HEATR3: variants seen among roughly 807,000 people sequenced by gnomAD.
The protein encoded by HEATR3 is HEAT repeat containing 3.
In HEATR3, 56 loss-of-function variants were observed where a neutral mutation model predicts 72.8. The observed-to-expected ratio is 0.77, with a 90% CI of 0.62 to 0.96. The LOEUF (loss-of-function observed/expected upper bound fraction) is 0.96. Among genes scored for constraint, HEATR3 ranks in the 40% least tolerant of loss-of-function variants. HEATR3 has a pLI of 0.00. For missense variants in HEATR3, 747 were observed against 831.4 expected, an observed-to-expected ratio of 0.90 and a Z score of 1.25; for synonymous variants, 331 against 318.1, an observed-to-expected ratio of 1.04 and a Z score of -0.43.
chr16:50,099,945 C>G (rs1347732259), intron 12 of HEATR3, among the ~76,000 whole-genome samples: 2 of 152,132 alleles, frequency 1.3e-5, no homozygotes, highest in Admixed American at 1.3e-4. Flanking sequence ...ATTGGACTCT[C>G]TTTAGTGTGT....
In HEATR3 at chr16:50,066,245, G is replaced by T. The variant is rs1180848468; in HGVS notation, c.114G>T (p.Gly38=). 6.4e-7 allele frequency: 1 copy of T among 1,563,848 alleles called. No homozygotes were observed. The highest frequency in any genetic ancestry group is 8.6e-7 in the Non-Finnish European group (1 of 1,157,126). Residue 38 remains glycine (G), a synonymous_variant, in exon 1 of 15, where the codon GGG becomes GGT. Coordinates refer to ENST00000299192, the MANE Select transcript of HEATR3 (RefSeq NM_182922.4). ...GGACCGGAGGCGAGGAGGACGACGG[G>T]CCGGCGGCGGAGCTGCTGGAAAAGG... is the stretch of plus-strand genomic sequence containing the variant. The part of the protein sequence containing the change: ...ANGTGGEEDD[G]PAAELLEKLQ...
chr16:50,079,691 C>G (rs773872622), intron 7 of HEATR3, among the ~76,000 whole-genome samples: 18 of 152,150 alleles, frequency 1.2e-4, no homozygotes, highest in Non-Finnish European at 2.4e-4. Context: ...AGACGGGGCA[C>G]AGTGAGTGAG....
intron 11 of HEATR3, among the ~76,000 whole-genome samples, chr16:50,090,565 A>G (rs2037087055): frequency 6.6e-6 from 1 of 152,200 alleles, no homozygotes; most frequent in Non-Finnish European, 1.5e-5. Flanking sequence ...CAGAGATAAA[A>G]GGAGCACATT....
At chr16:50,101,080 A>G (rs1001273574) in intron 13 of HEATR3, among the ~76,000 whole-genome samples, 9 of 150,186 alleles carry the variant, frequency 6.0e-5, no homozygotes, top group Non-Finnish European at 1.2e-4. Flanking sequence ...TTAAGAATCT[A>G]TTTTTGAAAA....
At chr16:50,079,039 C>A (rs781307257) in intron 7 of HEATR3, 21 bp downstream of exon 7, 2 of 1,581,524 alleles carry the variant, frequency 1.3e-6, no homozygotes, top group East Asian at 2.3e-5. Context: ...TTGCTGTTCT[C>A]AAATATGGAT....
chr16:50,072,741 T>C (rs1266784615), intron 5 of HEATR3, 27 bp downstream of exon 5: 2 of 1,360,846 alleles, frequency 1.5e-6, no homozygotes, highest in East Asian at 2.3e-5. Flanking sequence ...TGATGACTTA[T>C]TAAGAATGTG....
intron 6 of HEATR3, 79 bp from the exon 7 acceptor site, chr16:50,078,662 A>C (rs2036793410): frequency 7.1e-6 from 10 of 1,412,000 alleles, no homozygotes; most frequent in Non-Finnish European, 9.5e-6. Context: ...TGGCCTTAAA[A>C]GCTCCAGTCT....
intron 13 of HEATR3, among the ~76,000 whole-genome samples, chr16:50,101,429 A>C (rs1445762269): frequency 6.7e-6 from 1 of 150,072 alleles, no homozygotes; most frequent in Non-Finnish European, 1.5e-5. Context: ...GTTATTTCTT[A>C]GTGTGTCTAA....
chr16:50,095,130 T>C (rs2037204702), intron 12 of HEATR3, among the ~76,000 whole-genome samples: 1 of 152,026 alleles, frequency 6.6e-6, no homozygotes. Flanking sequence ...TTTTTTTTTT[T>C]TGAGACAGAG....
Position 50,075,596 on chromosome 16 carries a change from G to A in HEATR3, c.648G>A (p.Glu216=), listed in dbSNP as rs143632961. Residue 216 remains glutamate, a synonymous_variant, in exon 6 of 15, where the codon GAG becomes GAA. Coordinates refer to ENST00000299192, the MANE Select transcript of HEATR3 (RefSeq NM_182922.4). ...CATATTGTTTGCAGACAGTGACTGA[G>A]GATAACCCAGAGCTGCTGAAGTCTT... The part of the protein sequence containing the change: ...SVAYCLQTVT[E]DNPELLKSFS... The A allele has an allele frequency of 9.1e-5, 147 of 1,613,604 alleles. 1 individual carries two copies. In the African/African-American group the frequency reaches 1.7e-3, roughly 19 times the overall value.
chr16:50,075,599 T>C lies in HEATR3; in HGVS notation c.651T>C (p.Asp217=), dbSNP rs1305857841. ...VAYCLQTVTE[D]NPELLKSFSA... The stretch of plus-strand genomic sequence containing the variant: ...ATTGTTTGCAGACAGTGACTGAGGA[T>C]AACCCAGAGCTGCTGAAGTCTTTCA... Residue 217 remains aspartate (D), a synonymous_variant, in exon 6 of 15, where the codon GAT becomes GAC. Transcript: ENST00000299192. The C allele has an allele frequency of 3.7e-6, 6 of 1,613,608 alleles. No homozygotes were observed. The highest frequency in any genetic ancestry group is 5.1e-6 in the Non-Finnish European group (6 of 1,179,660).
At chr16:50,101,577 C>G (rs1171142281) in intron 13 of HEATR3, among the ~76,000 whole-genome samples, 2 of 152,118 alleles carry the variant, frequency 1.3e-5, no homozygotes, top group Non-Finnish European at 2.9e-5. Context: ...CAGTTCCTCC[C>G]CGGCACCACG....
intron 11 of HEATR3, among the ~76,000 whole-genome samples, chr16:50,090,138 T>G (rs2037076711): frequency 6.6e-6 from 1 of 152,064 alleles, no homozygotes; most frequent in Non-Finnish European, 1.5e-5. Flanking sequence ...GAGGATCACA[T>G]GAGCCCAAGA....
intron 10 of HEATR3, among the ~76,000 whole-genome samples, chr16:50,085,206 G>C (rs1038431658): frequency 5.3e-5 from 8 of 152,074 alleles, no homozygotes; most frequent in African/African-American, 1.9e-4. Flanking sequence ...AGAGATACAG[G>C]GGCTTTCAGG....
chr16:50,099,275 T>TG (rs1261168451), intron 12 of HEATR3, among the ~76,000 whole-genome samples: 4 of 152,108 alleles, frequency 2.6e-5, no homozygotes, highest in African/African-American at 7.2e-5. Flanking sequence ...CAGCAGCTTA[T>TG]GGGATCAGTG....
rs1480113167 is a variant in HEATR3, at chr16:50,098,956, AT to A, written c.1600-1267del. Reference sequence around the variant, plus strand: ...CTATTTCTTTTTGCTTCTTTATATAATTTTTTTCTTAATGCTTTTAAAATTT... The same window carrying A: ...CTATTTCTTTTTGCTTCTTTATATAATTTTTTCTTAATGCTTTTAAAATTT... On this transcript the variant is annotated intron_variant, in intron 12 of 14. Transcript: ENST00000299192. Among the ~76,000 whole-genome samples, 5 of 151,326 alleles carry A rather than the reference AT, an allele frequency of 3.3e-5. 1 individual carries two copies. In the South Asian group the frequency reaches 8.3e-4, roughly 25 times the overall value.
intron 12 of HEATR3, 79 bp downstream of exon 12, chr16:50,094,872 T>G (rs1235599640): frequency 1.4e-6 from 1 of 714,824 alleles, no homozygotes. Flanking sequence ...TTCACTATTT[T>G]AAAAAATACA....
At chr16:50,087,311 G>A (rs903097697) in intron 11 of HEATR3, among the ~76,000 whole-genome samples, 7 of 152,064 alleles carry the variant, frequency 4.6e-5, no homozygotes, top group South Asian at 2.1e-4. Flanking sequence ...TCTCTGATAC[G>A]GATTAATTTC....
rs1377282294 is a variant in HEATR3 at position 50,066,580 on chromosome 16, TCCC to T, written c.311+44_311+46del. On this transcript the variant is annotated intron_variant, in intron 2 of 14. Transcript: ENST00000299192. ...TGCGGGGCGGTGCCCACCGCTGGCCTCCCCCGCGTCTGGGCTGCGGGCGGTCGC... is the reference window on the plus strand; with the variant it reads ...TGCGGGGCGGTGCCCACCGCTGGCCTCCGCGTCTGGGCTGCGGGCGGTCGC... 10 of 1,262,960 alleles carry T rather than the reference TCCC, an allele frequency of 7.9e-6. No individual in the cohort carries two copies. The South Asian group carries it at 2.7e-4, about 34-fold the overall frequency. The allele number at this position is 1,262,960 out of a possible 1,614,324, so 78.2% of individuals were successfully genotyped here.
Sources: allele counts gnomAD v4.1 joint callset (sites outside exome capture counted in the v4.1 genomes callset), GRCh38; gene constraint gnomAD v4.1.1; transcripts MANE v1.5; gene names NCBI Gene and HGNC (gene_info 2026-07-23, HGNC 2026-07-21).